Variants in SLC29A4 observed in about 807,000 individuals in gnomAD.
The protein encoded by SLC29A4 is equilibrative nucleoside transporter 4.
SLC29A4 carries 36 observed loss-of-function variants against 43.9 expected under a neutral mutation model. The observed-to-expected ratio is 0.82, with a 90% CI of 0.63 to 1.08. The LOEUF is 1.08. Among genes scored for constraint, SLC29A4 ranks in the 50% least tolerant of loss-of-function variants. SLC29A4 has a pLI of 0.00. For missense variants in SLC29A4, 869 were observed against 755.3 expected (o/e 1.15, Z -1.77); for synonymous variants, 491 against 338.0 (o/e 1.45, Z -4.97).
At chr7:5,295,023 C>A in intron 6 of SLC29A4, 89 bp downstream of exon 6, 3 of 1,178,404 alleles carry the variant, frequency 2.5e-6, no homozygotes, top group Non-Finnish European at 3.6e-6. Flanking sequence ...TGATGCTCCC[C>A]GGTCTGGGAG....
chr7:5,287,860 C>T lies in SLC29A4; in HGVS notation c.44C>T (p.Ala15Val). Residue 15 changes from alanine (A) to valine (V), a missense_variant, in exon 2 of 11, where the codon GCA becomes GTA. Transcript: ENST00000396872. ...GSQRLEEPSV[A>V]GTPDPGVVMS... Reference sequence around the variant, plus strand: ...CAGCGCCTTGAGGAGCCCAGCGTGGCAGGCACACCAGACCCGGGCGTAGTG... The same window carrying T: ...CAGCGCCTTGAGGAGCCCAGCGTGGTAGGCACACCAGACCCGGGCGTAGTG... The T allele has an allele frequency of 6.2e-7, 1 of 1,611,982 alleles. No homozygotes were observed. Among genetic ancestry groups the T allele is most frequent in the East Asian group, 2.2e-5 (1 of 44,884 alleles).
chr7:5,286,753 C>T (rs978506348), intron 1 of SLC29A4, among the ~76,000 whole-genome samples: 2 of 152,162 alleles, frequency 1.3e-5, no homozygotes, highest in Non-Finnish European at 2.9e-5. Flanking sequence ...GGACCAAGGG[C>T]CATCGTGGCT....
At chr7:5,297,886 C>T (rs1324586747) in intron 7 of SLC29A4, among the ~76,000 whole-genome samples, 2 of 152,124 alleles carry the variant, frequency 1.3e-5, no homozygotes, top group African/African-American at 4.8e-5. Flanking sequence ...GGGTCCCCAG[C>T]ACAGACAGCC....
At chr7:5,298,444 C>T (rs976961886) in intron 7 of SLC29A4, among the ~76,000 whole-genome samples, 1 of 152,058 alleles carries the variant, frequency 6.6e-6, no homozygotes, top group South Asian at 2.1e-4. Context: ...TTGGTTTGGT[C>T]AGAGGCTGGT....
Position 5,306,815 on chromosome 7 carries a change from CTTTTT to C in SLC29A4, c.*3881_*3885del, listed in dbSNP as rs902186140. 2 of 150,990 alleles carry C rather than the reference CTTTTT, an allele frequency of 1.3e-5. No individual in the cohort carries two copies. Among genetic ancestry groups the C allele is most frequent in the East Asian group, 1.9e-4 (1 of 5,172 alleles). The allele number at this position is 150,990 out of a possible 1,614,324, so 9.4% of individuals were successfully genotyped here. A position where few individuals can be genotyped will look rare whatever the true frequency, so the allele number is the denominator to read the frequency against. The stretch of plus-strand genomic sequence containing the variant: ...TTTTATTTTTCCAATTAAATCTTTT[CTTTTT>C]TTTTATGAAAAAAGATCACACAGAA... On this transcript the variant is annotated 3_prime_UTR_variant, in exon 11 of 11. Transcript: ENST00000396872.
At chr7:5,295,118 A>C (rs1394159964) in intron 6 of SLC29A4, among the ~76,000 whole-genome samples, 184 bp downstream of exon 6, 1 of 151,686 alleles carries the variant, frequency 6.6e-6, no homozygotes, top group Non-Finnish European at 1.5e-5. Context: ...AAAGGGGTGC[A>C]CTCCCACATG....
chr7:5,300,714 C>T (rs779001222), intron 10 of SLC29A4, 52 bp downstream of exon 10: 3 of 1,581,828 alleles, frequency 1.9e-6, no homozygotes, highest in Non-Finnish European at 2.6e-6. Context: ...AGCGCAATGC[C>T]CCCCTCGCGA....
At chr7:5,302,695 C>A in intron 10 of SLC29A4, 102 bp from the exon 11 acceptor site, 1 of 1,197,562 alleles carries the variant, frequency 8.4e-7, no homozygotes, top group South Asian at 1.5e-5. Flanking sequence ...CCTGGAGGGG[C>A]GGCACGGTTC....
chr7:5,290,052 A>ATTTTTTTTTTTT (rs386409422), intron 2 of SLC29A4, among the ~76,000 whole-genome samples: 2 of 117,258 alleles, frequency 1.7e-5, no homozygotes, highest in Non-Finnish European at 3.3e-5. Context: ...TGCCCAGCTA[A>ATTTTTTTTTTTT]TTTTTTTTTT....
rs1562451246 is a variant in SLC29A4, at chr7:5,297,125, G to T, written c.809G>T (p.Arg270Leu). 6.2e-7 allele frequency: 1 copy of T among 1,606,470 alleles called. No homozygotes were observed. The highest frequency in any genetic ancestry group is 1.1e-5 in the South Asian group (1 of 91,024). ...FYTTRPRDSH[R>L]GRPGLGRGYG... ...ACCACACGGCCGCGTGACAGCCACC[G>T]GGGCAGGCCAGGCCTGGGCAGGGGC... Residue 270 changes from arginine to leucine, a missense_variant, in exon 7 of 11, where the codon CGG becomes CTG. Transcript: ENST00000396872.
chr7:5,290,712 C>A lies in SLC29A4; in HGVS notation c.170-20C>A. On this transcript the variant is annotated intron_variant, in intron 2 of 10. Coordinates refer to ENST00000396872, the MANE Select transcript of SLC29A4 (RefSeq NM_153247.4). ...CATGCGTGGAGCGTGCCCCGTCTCA[C>A]CTGGTGTCTCTGGCTTTAGCATTGG... 6.3e-7 allele frequency: 1 copy of A among 1,598,826 alleles called. No individual in the cohort carries two copies. Among genetic ancestry groups the A allele is most frequent in the Non-Finnish European group, 8.6e-7 (1 of 1,169,344 alleles).
chr7:5,289,748 C>T (rs970375711), intron 2 of SLC29A4, among the ~76,000 whole-genome samples: 2 of 152,086 alleles, frequency 1.3e-5, no homozygotes, highest in Admixed American at 6.6e-5. Flanking sequence ...ACCATGCCTC[C>T]TCTCCAGATA....
intron 6 of SLC29A4, among the ~76,000 whole-genome samples, chr7:5,295,498 C>T (rs951170150): frequency 6.6e-6 from 1 of 152,216 alleles, no homozygotes; most frequent in Non-Finnish European, 1.5e-5. Flanking sequence ...TCCGGCCCTT[C>T]TCCAAGTCCT....
intron 5 of SLC29A4, among the ~76,000 whole-genome samples, chr7:5,293,671 G>T (rs527416045): frequency 1.3e-5 from 2 of 152,044 alleles, no homozygotes; most frequent in Non-Finnish European, 2.9e-5. Flanking sequence ...TAGAGGCAGG[G>T]TCTCACTCTG....
chr7:5,289,562 G>A lies in SLC29A4; in HGVS notation c.170-1170G>A, dbSNP rs527426787. ...CCTGATTAGGTCAGACCCACCCAGG[G>A]TAATTTCCCTTTTGATAAAGTTAAT... On this transcript the variant is annotated intron_variant, in intron 2 of 10. Coordinates refer to ENST00000396872, the MANE Select transcript of SLC29A4 (RefSeq NM_153247.4). 9.2e-5 allele frequency among the ~76,000 whole-genome samples: 14 copies of A among 152,182 alleles called. No individual in the cohort carries two copies. In the South Asian group the frequency reaches 2.7e-3, roughly 29 times the overall value.
intron 2 of SLC29A4, among the ~76,000 whole-genome samples, chr7:5,288,514 G>C (rs1028974535): frequency 2.0e-5 from 3 of 151,560 alleles, no homozygotes; most frequent in East Asian, 1.9e-4. Flanking sequence ...CCGTGGTCTC[G>C]ATCTCCTGAC....
chr7:5,300,273 G>T, intron 9 of SLC29A4, 149 bp from the exon 10 acceptor site: 1 of 1,199,828 alleles, frequency 8.3e-7, no homozygotes, highest in Non-Finnish European at 1.2e-6. Flanking sequence ...GGCTTTTAGA[G>T]GGGTGATCCG....
chr7:5,297,096 C>A lies in SLC29A4; in HGVS notation c.780C>A (p.Phe260Leu). The change falls in exon 7 of 11, where the codon TTC (phenylalanine) becomes TTA (leucine). Residue 260 changes from phenylalanine (F) to leucine (L), a missense_variant. By Grantham distance (22) the Phe-to-Leu change is conservative. Coordinates refer to ENST00000396872, the MANE Select transcript of SLC29A4 (RefSeq NM_153247.4). The stretch of plus-strand genomic sequence containing the variant: ...TGCGGCGCAGCCGCTTCGTGCTCTT[C>A]TATACCACACGGCCGCGTGACAGCC... ...LLVRRSRFVL[F>L]YTTRPRDSHR... is the part of the protein sequence containing the mutation. 1.2e-6 allele frequency: 2 copies of A among 1,607,890 alleles called. No individual in the cohort carries two copies. The highest frequency in any genetic ancestry group is 1.7e-6 in the Non-Finnish European group (2 of 1,179,756).
intron 2 of SLC29A4, 152 bp from the exon 3 acceptor site, chr7:5,290,580 A>G: frequency 1.9e-6 from 2 of 1,037,298 alleles, no homozygotes; most frequent in Non-Finnish European, 2.7e-6. Context: ...TAATGGCCAG[A>G]TGACAGAGGT....
Sources: allele counts gnomAD v4.1 joint callset (sites outside exome capture counted in the v4.1 genomes callset), GRCh38; gene constraint gnomAD v4.1.1; transcripts MANE v1.5; gene names NCBI Gene and HGNC (gene_info 2026-07-23, HGNC 2026-07-21).